The following TTC23L variants were observed in gnomAD, a reference collection of about 807,000 sequenced individuals.
TTC23L encodes the protein tetratricopeptide repeat domain 23 like.
TTC23L carries 42 observed loss-of-function variants against 48.1 expected under a neutral mutation model. That is an observed-to-expected ratio of 0.87 (90% CI 0.68 to 1.13). The LOEUF is 1.13. Among genes scored for constraint, TTC23L ranks in the 50% most tolerant of loss-of-function variants. TTC23L has a pLI of 0.00. For missense variants in TTC23L, 391 were observed against 421.0 expected (o/e 0.93, Z 0.62); for synonymous variants, 159 against 157.2 (o/e 1.01, Z -0.09).
intron 4 of TTC23L, among the ~76,000 whole-genome samples, chr5:34,858,281 TA>T (rs1356620539): frequency 6.6e-6 from 1 of 152,142 alleles, no homozygotes; most frequent in Non-Finnish European, 1.5e-5. Context: ...ATATATACAA[TA>T]ATAAATCTTA....
chr5:34,867,166 G>C, intron 7 of TTC23L, 97 bp downstream of exon 7: 2 of 1,259,960 alleles, frequency 1.6e-6, no homozygotes, highest in Non-Finnish European at 2.2e-6. Context: ...GAAGAACAAG[G>C]GCTGGAATTG....
At chr5:34,924,641 G>A in the TTC23L span, among the ~76,000 whole-genome samples, 12 of 152,092 alleles carry the variant, frequency 7.9e-5, no homozygotes, top group African/African-American at 2.9e-4. Flanking sequence ...AGAACTCACT[G>A]AAAAAACATT....
chr5:34,914,635 T>C, the TTC23L span: 6 of 1,549,214 alleles, frequency 3.9e-6, no homozygotes, highest in Admixed American at 1.0e-4. Context: ...AACCTTCCGA[T>C]TTCATTAAAT....
chr5:34,880,401 A>G (rs1196184287), intron 9 of TTC23L, 93 bp downstream of exon 9: 2 of 1,321,026 alleles, frequency 1.5e-6, no homozygotes, highest in African/African-American at 1.5e-5. Flanking sequence ...TGGAGATCAG[A>G]TAGGTCCCAG....
chr5:34,854,084 C>G (rs1213716692), intron 4 of TTC23L, among the ~76,000 whole-genome samples: 1 of 152,168 alleles, frequency 6.6e-6, no homozygotes, highest in African/African-American at 2.4e-5. Flanking sequence ...CAATTAGATT[C>G]CAAGTTAAGT....
At chr5:34,874,233 G>T (rs1049743820) in intron 8 of TTC23L, among the ~76,000 whole-genome samples, 2 of 152,140 alleles carry the variant, frequency 1.3e-5, no homozygotes, top group African/African-American at 2.4e-5. Flanking sequence ...AATATTAAAA[G>T]AAGTTCTTCA....
chr5:34,899,453 A>G (rs1452670380), exon 11 of TTC23L: 2 of 152,668 alleles, frequency 1.3e-5, no homozygotes, highest in Non-Finnish European at 2.9e-5. Context: ...AACCTTGTTG[A>G]TGATAAAAAT....
downstream of TTC23L, among the ~76,000 whole-genome samples, chr5:34,902,977 A>C (rs116123780): frequency 6.6e-6 from 1 of 151,702 alleles, no homozygotes; most frequent in Non-Finnish European, 1.5e-5. Flanking sequence ...AAAAAAAAAA[A>C]TACCAGAAAG....
chr5:34,905,335 G>T, the TTC23L span: 1 of 152,228 alleles, frequency 6.6e-6, no homozygotes, highest in Admixed American at 6.5e-5. Context: ...AGGAAAGAAG[G>T]AAGTCTCTAT....
chr5:34,886,527 G>A (rs1331468605), intron 9 of TTC23L, among the ~76,000 whole-genome samples: 3 of 152,174 alleles, frequency 2.0e-5, no homozygotes, highest in Non-Finnish European at 4.4e-5. Flanking sequence ...AGCCCAGAAA[G>A]GCAATTCAGC....
downstream of TTC23L, among the ~76,000 whole-genome samples, chr5:34,903,487 C>A (rs1470301457): frequency 6.6e-6 from 1 of 152,100 alleles, no homozygotes; most frequent in African/African-American, 2.4e-5. Context: ...AGCATTATTA[C>A]CCAAGTCCAT....
chr5:34,914,475 C>T, the TTC23L span: 1 of 561,642 alleles, frequency 1.8e-6, no homozygotes, highest in Non-Finnish European at 3.1e-6. Context: ...CTCTGTAAAA[C>T]AAGATGGGAA....
At chr5:34,862,502 G>T (rs112826972) in intron 4 of TTC23L, among the ~76,000 whole-genome samples, 2,264 of 152,258 alleles carry the variant, frequency 0.015, 68 homozygotes, top group African/African-American at 0.053. Context: ...ATGGAGAAGC[G>T]TTGTGGGTTG....
intron 4 of TTC23L, among the ~76,000 whole-genome samples, chr5:34,857,121 A>T (rs1391879973): frequency 6.6e-6 from 1 of 152,234 alleles, no homozygotes; most frequent in Non-Finnish European, 1.5e-5. Flanking sequence ...TAAACAGAAC[A>T]AGTGACACTA....
chr5:34,893,021 C>T (rs533645353), intron 9 of TTC23L, among the ~76,000 whole-genome samples: 2 of 152,158 alleles, frequency 1.3e-5, no homozygotes, highest in South Asian at 4.2e-4. Flanking sequence ...TAGATGGTAC[C>T]TAGGGAGAAG....
At chr5:34,901,727 A>G (rs1402244907), downstream of TTC23L, among the ~76,000 whole-genome samples, 1 of 152,142 alleles carries the variant, frequency 6.6e-6, no homozygotes, top group East Asian at 1.9e-4. Context: ...ATGCAATTGC[A>G]CTCCAGCTTG....
exon 4 of TTC23L, chr5:34,850,272 C>G: frequency 6.2e-7 from 1 of 1,613,930 alleles, no homozygotes; most frequent in Non-Finnish European, 8.5e-7. Flanking sequence ...TGCACGAGCT[C>G]TGGCCAACCT....
intron 2 of TTC23L, among the ~76,000 whole-genome samples, chr5:34,844,499 T>C (rs536132197): frequency 6.6e-6 from 1 of 152,006 alleles, no homozygotes; most frequent in African/African-American, 2.4e-5. Flanking sequence ...TGTGCTTTTC[T>C]GATTTTTTTT....
At chr5:34,918,620 T>G in the TTC23L span, 3 of 480,064 alleles carry the variant, frequency 6.2e-6, no homozygotes, top group Non-Finnish European at 1.1e-5. Flanking sequence ...GCCACAATTT[T>G]TCCAGTTAAC....
Sources: gnomAD v4.1 joint callset for allele counts (sites outside exome capture counted in the v4.1 genomes callset) on GRCh38, gnomAD v4.1.1 for gene constraint, MANE v1.5 for transcripts, NCBI Gene and HGNC (gene_info 2026-07-23, HGNC 2026-07-21) for gene names.